ACOT12: variants seen among roughly 807,000 people sequenced by gnomAD.
ACOT12 encodes acyl-CoA thioesterase 12.
ACOT12 carries 51 observed loss-of-function variants against 67.7 expected under a neutral mutation model. That is an observed-to-expected ratio of 0.75 (90% CI 0.60 to 0.95). The LOEUF is 0.95. Among genes scored for constraint, ACOT12 ranks in the 40% least tolerant of loss-of-function variants. The probability of loss-of-function intolerance (pLI) is 0.00; values close to 1 mark genes in which losing one functional copy is unlikely to be tolerated. For synonymous variants in ACOT12, 251 were observed against 244.6 expected, an observed-to-expected ratio of 1.03 and a Z score of -0.24; for missense variants, 734 against 708.1, an observed-to-expected ratio of 1.04 and a Z score of -0.41.
At chr5:81,344,402 C>T (rs1759306295) in intron 8 of ACOT12, among the ~76,000 whole-genome samples, 187 bp from the exon 9 acceptor site, 1 of 152,194 alleles carries the variant, frequency 6.6e-6, no homozygotes. Context: ...GTTGCACTGA[C>T]AAAGGTGCAA....
intron 6 of ACOT12, among the ~76,000 whole-genome samples, chr5:81,346,753 A>G (rs766538007): frequency 6.6e-6 from 1 of 152,164 alleles, no homozygotes; most frequent in Non-Finnish European, 1.5e-5. Context: ...ATTTGTGCAT[A>G]ATTTTTAGAA....
the ACOT12 span, chr5:81,311,066 T>C: frequency 2.6e-6 from 2 of 769,200 alleles, no homozygotes; most frequent in South Asian, 1.6e-5. Flanking sequence ...TTAATAGGAA[T>C]AGTGGCACCT....
At chr5:81,359,400 G>A (rs138691005) in intron 5 of ACOT12, among the ~76,000 whole-genome samples, 29 of 152,270 alleles carry the variant, frequency 1.9e-4, no homozygotes, top group Admixed American at 5.9e-4. Flanking sequence ...CTCATAAAAC[G>A]CAGGGTGATT....
rs371159125 is a variant in ACOT12 at position 81,344,196 on chromosome 5, C to T, written c.944G>A (p.Arg315Gln). The change falls in exon 9 of 15, where the codon CGG (arginine) becomes CAG (glutamine). Residue 315 changes from arginine to glutamine, a missense_variant. By Grantham distance (43) the Arg-to-Gln change is conservative. Coordinates refer to ENST00000307624, the MANE Select transcript of ACOT12 (RefSeq NM_130767.3). ...AATTCGCTTGCGTGCAATAGCTCCCCGATAGCGTCTGAAATCATCCTTTAA... is the reference window on the plus strand; with the variant it reads ...AATTCGCTTGCGTGCAATAGCTCCCTGATAGCGTCTGAAATCATCCTTTAA... ...PISKDDFRRYRGAIARKRIRL... is the reference protein window; with the variant it reads ...PISKDDFRRYQGAIARKRIRL... 5.0e-5 allele frequency: 80 copies of T among 1,613,184 alleles called. No homozygotes were observed. Among genetic ancestry groups the T allele is most frequent in the South Asian group, 4.0e-4 (36 of 90,862 alleles).
intron 5 of ACOT12, among the ~76,000 whole-genome samples, chr5:81,356,270 TTATTCCTCACTTCCTGGGAC>T (rs1362376808): frequency 2.0e-5 from 3 of 152,172 alleles, no homozygotes; most frequent in Admixed American, 6.5e-5. Context: ...TAGACAGGTT[TTATTCCTCACTTCCTGGGAC>T]GCAGTTGACC....
intron 1 of ACOT12, among the ~76,000 whole-genome samples, chr5:81,391,183 A>G (rs1208258411): frequency 2.0e-5 from 3 of 152,218 alleles, no homozygotes; most frequent in Non-Finnish European, 4.4e-5. Context: ...ATATCTGGGA[A>G]AAGATTATAG....
chr5:81,389,648 T>A (rs993019684), intron 1 of ACOT12, among the ~76,000 whole-genome samples: 1 of 152,122 alleles, frequency 6.6e-6, no homozygotes, highest in Non-Finnish European at 1.5e-5. Flanking sequence ...CTGCTCAGCC[T>A]CCTGAGTAGC....
chr5:81,339,295 TC>T (rs1759114049), intron 11 of ACOT12, among the ~76,000 whole-genome samples: 1 of 152,040 alleles, frequency 6.6e-6, no homozygotes, highest in African/African-American at 2.4e-5. Flanking sequence ...GCCCAGCCCC[TC>T]CCCCGGCTCC....
At chr5:81,338,044 G>A (rs114571755) in intron 11 of ACOT12, among the ~76,000 whole-genome samples, 213 of 152,248 alleles carry the variant, frequency 1.4e-3, no homozygotes, top group Non-Finnish European at 2.5e-3. Context: ...GAAAGTCCCC[G>A]TTGCCCTGCT....
chr5:81,314,815 C>G, the ACOT12 span, among the ~76,000 whole-genome samples: 1 of 114,022 alleles, frequency 8.8e-6, no homozygotes, highest in Non-Finnish European at 1.8e-5. Flanking sequence ...TCCCCTGAGA[C>G]TTTAAAAAAT....
intron 1 of ACOT12, among the ~76,000 whole-genome samples, chr5:81,389,605 G>C (rs751952031): frequency 6.6e-6 from 1 of 152,098 alleles, no homozygotes; most frequent in Admixed American, 6.6e-5. Context: ...TTGGCTCACT[G>C]CAACCTCCGC....
At chr5:81,312,226 T>A in the ACOT12 span, among the ~76,000 whole-genome samples, 2 of 152,208 alleles carry the variant, frequency 1.3e-5, no homozygotes, top group Non-Finnish European at 2.9e-5. Flanking sequence ...TTCATAAGCC[T>A]TGCTGTTTAC....
chr5:81,357,082 C>G (rs533359499), intron 5 of ACOT12, among the ~76,000 whole-genome samples: 1 of 152,070 alleles, frequency 6.6e-6, no homozygotes, highest in Non-Finnish European at 1.5e-5. Context: ...CTTCCCAGCA[C>G]ACAGTGTGCT....
At chr5:81,343,913 GT>G (rs1180578328) in intron 9 of ACOT12, 32 bp from the exon 10 acceptor site, 4 of 1,583,570 alleles carry the variant, frequency 2.5e-6, no homozygotes, top group African/African-American at 2.7e-5. Context: ...TTAAATGACA[GT>G]TTTTTTCTCT....
intron 5 of ACOT12, among the ~76,000 whole-genome samples, chr5:81,351,271 G>T (rs1484504773): frequency 6.6e-6 from 1 of 152,044 alleles, no homozygotes; most frequent in Non-Finnish European, 1.5e-5. Flanking sequence ...ATTTATTGAG[G>T]TTGTTTTCAG....
At chr5:81,309,809 TA>T in the ACOT12 span, among the ~76,000 whole-genome samples, 1 of 152,230 alleles carries the variant, frequency 6.6e-6, no homozygotes, top group African/African-American at 2.4e-5. Flanking sequence ...TTATTGATTC[TA>T]AGATGCACAG....
In ACOT12 at chr5:81,360,090, A is replaced by G. The variant is rs746887478; in HGVS notation, c.361-52T>C. The G allele has an allele frequency of 3.8e-6, 6 of 1,561,118 alleles. No individual in the cohort carries two copies. The Admixed American group carries it at 1.3e-4, about 33-fold the overall frequency. On this transcript the variant is annotated intron_variant, in intron 4 of 14. Coordinates refer to ENST00000307624, the MANE Select transcript of ACOT12 (RefSeq NM_130767.3). ...TATTGCCTTGTTAAATTATAAAAGCACAGCATGAATTTTGCAAAACAAATG... is the reference window on the plus strand; with the variant it reads ...TATTGCCTTGTTAAATTATAAAAGCGCAGCATGAATTTTGCAAAACAAATG...
At chr5:81,392,328 A>C (rs1580604688) in intron 1 of ACOT12, among the ~76,000 whole-genome samples, 1 of 152,220 alleles carries the variant, frequency 6.6e-6, no homozygotes, top group Non-Finnish European at 1.5e-5. Flanking sequence ...GTGGTGCCTC[A>C]GGTCACCATA....
At chr5:81,362,306 T>C (rs142860028) in intron 4 of ACOT12, among the ~76,000 whole-genome samples, 2,653 of 151,964 alleles carry the variant, frequency 0.017, 62 homozygotes, top group African/African-American at 0.056. Context: ...GCTGGGATTA[T>C]AGGCATGCAC....
Sources: allele counts gnomAD v4.1 joint callset (sites outside exome capture counted in the v4.1 genomes callset), GRCh38; gene constraint gnomAD v4.1.1; transcripts MANE v1.5; gene names NCBI Gene and HGNC (gene_info 2026-07-23, HGNC 2026-07-21).